The following PALLD variants were observed in gnomAD, a reference collection of about 807,000 sequenced individuals.
The protein encoded by PALLD is palladin, cytoskeletal associated protein.
Under a neutral mutation model 123.5 loss-of-function variants are expected in PALLD, and 61 were observed. That is an observed-to-expected ratio of 0.49 (90% confidence interval 0.40 to 0.61). The LOEUF (loss-of-function observed/expected upper bound fraction) is 0.61. Ranked by LOEUF, PALLD falls within the 20% of genes least tolerant of loss-of-function variation. The probability of loss-of-function intolerance (pLI) is 0.00; values close to 1 mark genes in which losing one functional copy is unlikely to be tolerated. For missense variants in PALLD, 1,273 were observed against 1,377.0 expected, an observed-to-expected ratio of 0.92 and a Z score of 1.20; for synonymous variants, 465 against 496.4, an observed-to-expected ratio of 0.94 and a Z score of 0.84.
At chr4:168,824,076 T>C (rs1743087832) in intron 10 of PALLD, among the ~76,000 whole-genome samples, 1 of 152,224 alleles carries the variant, frequency 6.6e-6, no homozygotes, top group African/African-American at 2.4e-5. Flanking sequence ...GGCCCAAACA[T>C]GCATATACCC....
At chr4:168,679,557 G>T (rs192780288) in intron 3 of PALLD, among the ~76,000 whole-genome samples, 1 of 149,930 alleles carries the variant, frequency 6.7e-6, no homozygotes, top group East Asian at 2.0e-4. Context: ...GTGTGGTGGG[G>T]TGTGTGTGTG....
At chr4:168,865,922 C>T (rs1034181071) in intron 10 of PALLD, among the ~76,000 whole-genome samples, 18 of 152,006 alleles carry the variant, frequency 1.2e-4, no homozygotes, top group African/African-American at 3.4e-4. Flanking sequence ...CACTTCTACC[C>T]GGGAAAGTAC....
rs1000893748 is a variant in PALLD at position 168,926,737 on chromosome 4, G to A, written c.*557G>A. ...CCTTTAAACACAAGATATAGGTGCT[G>A]TGTAGCCTGATAGTGTGAAATGTTT... On this transcript the variant is annotated 3_prime_UTR_variant, in exon 22 of 22. Transcript: ENST00000505667. 7.2e-6 allele frequency: 2 copies of A among 276,556 alleles called. No individual in the cohort carries two copies. Among genetic ancestry groups the A allele is most frequent in the African/African-American group, 4.3e-5 (2 of 46,114 alleles). The allele number at this position is 276,556 out of a possible 1,614,324, so 17.1% of individuals were successfully genotyped here.
At chr4:168,546,076 G>A (rs981023563) in intron 2 of PALLD, among the ~76,000 whole-genome samples, 1 of 152,198 alleles carries the variant, frequency 6.6e-6, no homozygotes, top group East Asian at 1.9e-4. Context: ...ATTTAACCAA[G>A]CAGCTTGATA....
At chr4:168,653,708 G>GTTTC (rs1037508750) in intron 2 of PALLD, among the ~76,000 whole-genome samples, 2 of 150,326 alleles carry the variant, frequency 1.3e-5, no homozygotes, top group Non-Finnish European at 3.0e-5. Context: ...TTGTTTGTTT[G>GTTTC]TTTCTTTCTT....
chr4:168,518,129 C>T (rs11939452), intron 2 of PALLD, among the ~76,000 whole-genome samples: 112,493 of 151,974 alleles, frequency 0.74, 41,862 homozygotes, highest in East Asian at 0.86. Flanking sequence ...AACCTTGAAG[C>T]CATTCTCGAT....
chr4:168,527,337 G>A (rs1229175999), intron 2 of PALLD, among the ~76,000 whole-genome samples: 5 of 144,618 alleles, frequency 3.5e-5, no homozygotes, highest in South Asian at 2.2e-4. Context: ...CAGGAGAATC[G>A]CTTTAACCCG....
intron 2 of PALLD, among the ~76,000 whole-genome samples, chr4:168,647,634 A>T (rs1171092064): frequency 6.6e-6 from 1 of 152,060 alleles, no homozygotes; most frequent in Non-Finnish European, 1.5e-5. Flanking sequence ...TACAAAAATT[A>T]GCTGGGCATG....
chr4:168,837,101 G>A (rs1329754288), intron 10 of PALLD, among the ~76,000 whole-genome samples: 1 of 152,098 alleles, frequency 6.6e-6, no homozygotes, highest in Admixed American at 6.5e-5. Flanking sequence ...TGCTAACAGA[G>A]ACCCCACCCT....
intron 2 of PALLD, among the ~76,000 whole-genome samples, chr4:168,554,085 C>T (rs1314705796): frequency 1.3e-5 from 2 of 152,186 alleles, no homozygotes; most frequent in Non-Finnish European, 2.9e-5. Flanking sequence ...GGAACTATCA[C>T]TAAGCCCTGG....
chr4:168,710,645 T>C lies in PALLD; in HGVS notation c.1622-936T>C, dbSNP rs79587470. Among the ~76,000 whole-genome samples, 944 of 152,318 alleles carry C rather than the reference T, an allele frequency of 6.2e-3. 10 individuals carry two copies. Among genetic ancestry groups the C allele is most frequent in the African/African-American group, 0.021 (888 of 41,584 alleles). ...GTCATCTTAAGTGGGAAATGGTTTCTGTGAATGACTACTGTAAGTGCTGAA... is the reference window on the plus strand; with the variant it reads ...GTCATCTTAAGTGGGAAATGGTTTCCGTGAATGACTACTGTAAGTGCTGAA... On this transcript the variant is annotated intron_variant, in intron 9 of 21. Transcript: ENST00000505667.
At chr4:168,676,744 T>TG (rs1780883047) in intron 3 of PALLD, among the ~76,000 whole-genome samples, 1 of 151,524 alleles carries the variant, frequency 6.6e-6, no homozygotes, top group African/African-American at 2.4e-5. Flanking sequence ...ATCTAATTTT[T>TG]TTTTTTTTGT....
In PALLD at chr4:168,844,859, G is replaced by GACCA. The variant is rs1746579567; in HGVS notation, c.1965-46062_1965-46059dup. 6.6e-6 allele frequency: 1 copy of GACCA among 152,278 alleles called. No individual in the cohort carries two copies. Among genetic ancestry groups the GACCA allele is most frequent in the South Asian group, 2.1e-4 (1 of 4,828 alleles). The allele number at this position is 152,278 out of a possible 1,614,324, so 9.4% of individuals were successfully genotyped here. A position where few individuals can be genotyped will look rare whatever the true frequency, so the allele number is the denominator to read the frequency against. Reference sequence around the variant, plus strand: ...AGCATTCCCGACTAAGTAGGACATTGACCAGGCCATCATGGGTTAGGCTCG... The same window carrying GACCA: ...AGCATTCCCGACTAAGTAGGACATTGACCAACCAGGCCATCATGGGTTAGGCTCG... On this transcript the variant is annotated intron_variant, in intron 10 of 21. Transcript: ENST00000505667. This position sits in a 1 kb window ranked among gnomAD's most constrained non-coding sequence, Gnocchi z 4.5.
intron 5 of PALLD, 79 bp from the exon 6 acceptor site, chr4:168,685,406 A>G (rs1168037674): frequency 3.7e-5 from 33 of 892,136 alleles, no homozygotes; most frequent in Non-Finnish European, 5.5e-5. Flanking sequence ...GGTGATCCCC[A>G]TAATGAAAGG....
intron 2 of PALLD, among the ~76,000 whole-genome samples, chr4:168,611,890 T>C (rs1773760506): frequency 6.6e-6 from 1 of 152,210 alleles, no homozygotes; most frequent in Non-Finnish European, 1.5e-5. Context: ...CCAGGCGCCA[T>C]GGCTCATGCC....
chr4:168,507,994 G>C (rs1276102415), intron 1 of PALLD, among the ~76,000 whole-genome samples: 1 of 152,138 alleles, frequency 6.6e-6, no homozygotes, highest in African/African-American at 2.4e-5. Context: ...CATTCTTTCA[G>C]CTTTCTCTCT....
intron 10 of PALLD, among the ~76,000 whole-genome samples, chr4:168,733,892 A>G (rs923679571): frequency 7.1e-4 from 108 of 152,114 alleles, no homozygotes; most frequent in African/African-American, 1.1e-3. Context: ...CCGCCACCGC[A>G]CCTGGCTAAT....
intron 10 of PALLD, among the ~76,000 whole-genome samples, chr4:168,873,086 T>C (rs913358976): frequency 6.6e-6 from 1 of 152,192 alleles, no homozygotes; most frequent in African/African-American, 2.4e-5. Context: ...ATTCTTAAGA[T>C]TTCCCAGTCC....
At chr4:168,610,753 A>C (rs184139051) in intron 2 of PALLD, among the ~76,000 whole-genome samples, 42 of 151,438 alleles carry the variant, frequency 2.8e-4, no homozygotes, top group Admixed American at 5.9e-4. Flanking sequence ...TTTTCCAGTA[A>C]CTCTGGCTTC....
Sources: allele counts gnomAD v4.1 joint callset (sites outside exome capture counted in the v4.1 genomes callset), GRCh38; gene constraint gnomAD v4.1.1; non-coding constraint Gnocchi (gnomAD v3.1); transcripts MANE v1.5; gene names NCBI Gene and HGNC (gene_info 2026-07-23, HGNC 2026-07-21).